The following ORC1 variants were observed in gnomAD, a reference collection of about 807,000 sequenced individuals.
ORC1 encodes origin recognition complex subunit 1.
In ORC1, 61 loss-of-function variants were observed where a neutral mutation model predicts 98.9. The observed-to-expected ratio is 0.62, with a 90% CI of 0.50 to 0.76. The LOEUF is 0.76. Ranked by LOEUF, ORC1 falls within the 30% of genes least tolerant of loss-of-function variation. The pLI is 0.00. For missense variants in ORC1, 979 were observed against 1,072.2 expected (o/e 0.91, Z 1.21); for synonymous variants, 385 against 406.9 (o/e 0.95, Z 0.65).
chr1:52,401,608 C>T lies in ORC1; in HGVS notation c.96-119G>A, dbSNP rs1647711349. The T allele has an allele frequency of 2.5e-6, 3 of 1,214,558 alleles. No individual in the cohort carries two copies. In the East Asian group the frequency reaches 7.0e-5, roughly 29 times the overall value. The allele number at this position is 1,214,558 out of a possible 1,614,324, so 75.2% of individuals were successfully genotyped here. ...TGATTTCTTTCTGCTGACCAACTCT[C>T]CTACTGGGAAACCAATTCGCCCAGT... On this transcript the variant is annotated intron_variant, in intron 2 of 16. Coordinates refer to ENST00000371568, the MANE Select transcript of ORC1 (RefSeq NM_004153.4).
chr1:52,396,361 T>C lies in ORC1; in HGVS notation c.406A>G (p.Ile136Val), dbSNP rs552094777. Reference sequence around the variant, plus strand: ...ACCACATCCTTTGGGGCTAAAGGTATCACCTGAATTTAGGAAGTATAGATA... The same window carrying C: ...ACCACATCCTTTGGGGCTAAAGGTACCACCTGAATTTAGGAAGTATAGATA... ...AETIIGLVRVIPLAPKDVVPT... is the reference protein window; with the variant it reads ...AETIIGLVRVVPLAPKDVVPT... Residue 136 changes from isoleucine to valine, a missense_variant, in exon 5 of 17, where the codon ATA becomes GTA. By Grantham distance (29) the Ile-to-Val change is conservative. Transcript: ENST00000371568. 6.2e-7 allele frequency: 1 copy of C among 1,614,138 alleles called. No homozygotes were observed. The highest frequency in any genetic ancestry group is 1.1e-5 in the South Asian group (1 of 91,080).
At chr1:52,398,951 A>C (rs534076979) in intron 3 of ORC1, among the ~76,000 whole-genome samples, 27 of 152,292 alleles carry the variant, frequency 1.8e-4, no homozygotes, top group African/African-American at 6.0e-4. Context: ...CAGGCAAAGA[A>C]ATCAAGTGAC....
intron 3 of ORC1, among the ~76,000 whole-genome samples, chr1:52,400,155 T>A (rs72899846): frequency 0.026 from 3,937 of 152,296 alleles, 153 homozygotes; most frequent in African/African-American, 0.086. Flanking sequence ...AGAGAAAGTA[T>A]GTCCAAAATC....
chr1:52,389,173 G>C (rs764292481), intron 7 of ORC1, 44 bp downstream of exon 7: 1 of 1,374,974 alleles, frequency 7.3e-7, no homozygotes, highest in Admixed American at 1.7e-5. Context: ...ATAGATATCA[G>C]AGATGGCAGC....
Position 52,402,081 on chromosome 1 carries a change from G to A in ORC1, c.95+48C>T, listed in dbSNP as rs757430033. 5 of 1,344,766 alleles carry A rather than the reference G, an allele frequency of 3.7e-6. No homozygotes were observed. The Admixed American group carries it at 8.4e-5, about 23-fold the overall frequency. The allele number at this position is 1,344,766 out of a possible 1,614,324, so 83.3% of individuals were successfully genotyped here. Reference sequence around the variant, plus strand: ...AGGCTAGATACAAGTTGACTGTTTAGCTTGAGAAGCTGTATTTCCAGGACA... The same window carrying A: ...AGGCTAGATACAAGTTGACTGTTTAACTTGAGAAGCTGTATTTCCAGGACA... On this transcript the variant is annotated intron_variant, in intron 2 of 16. Transcript: ENST00000371568.
At chr1:52,405,699 A>G (rs911357624), upstream of ORC1, 16 of 1,613,362 alleles carry the variant, frequency 9.9e-6, no homozygotes, top group East Asian at 3.1e-4. Context: ...TAGTCGATAA[A>G]GCCATGGAGT....
upstream of ORC1, chr1:52,405,763 T>G: frequency 6.2e-7 from 1 of 1,614,136 alleles, no homozygotes; most frequent in Non-Finnish European, 8.5e-7. Flanking sequence ...ACCCTTTCTG[T>G]GTTTAACCTT....
At chr1:52,399,958 A>G (rs1647624423) in intron 3 of ORC1, among the ~76,000 whole-genome samples, 1 of 152,012 alleles carries the variant, frequency 6.6e-6, no homozygotes, top group South Asian at 2.1e-4. Context: ...CCGAAAGAAC[A>G]CTCATTAGTG....
chr1:52,395,193 A>C (rs1647337738), intron 5 of ORC1, among the ~76,000 whole-genome samples: 1 of 152,186 alleles, frequency 6.6e-6, no homozygotes, highest in Non-Finnish European at 1.5e-5. Context: ...ATACATTGTA[A>C]GGGGAAAAAG....
At chr1:52,398,331 T>A (rs1335441479) in intron 3 of ORC1, among the ~76,000 whole-genome samples, 1 of 151,608 alleles carries the variant, frequency 6.6e-6, no homozygotes, top group Non-Finnish European at 1.5e-5. Flanking sequence ...TGGCGTGATC[T>A]CGGCTCACTG....
In ORC1 at chr1:52,373,027, G is replaced by C. The variant is rs969242962; in HGVS notation, c.*154C>G. 7.5e-6 allele frequency: 6 copies of C among 804,104 alleles called. No homozygotes were observed. The highest frequency in any genetic ancestry group is 1.3e-5 in the Non-Finnish European group (6 of 460,104). 49.8% of individuals were successfully genotyped at this position (804,104 alleles called of 1,614,324 possible). A position where few individuals can be genotyped will look rare whatever the true frequency, so the allele number is the denominator to read the frequency against. ...TGTGCCTGTAGTTTCAGCCACCTGG[G>C]AGGATGAGGTTGGGGGGTCACCTAA... is the stretch of plus-strand genomic sequence containing the variant. On this transcript the variant is annotated 3_prime_UTR_variant, in exon 17 of 17. Transcript: ENST00000371568.
At chr1:52,383,774 A>T in intron 12 of ORC1, 56 bp downstream of exon 12, 1 of 1,468,964 alleles carries the variant, frequency 6.8e-7, no homozygotes, top group South Asian at 1.1e-5. Context: ...CCCATCCAGC[A>T]CTTGCTCCTG....
chr1:52,396,165 G>T lies in ORC1; in HGVS notation c.602C>A (p.Ser201Tyr), dbSNP rs1647385330. The change falls in exon 5 of 17, where the codon TCT (serine) becomes TAT (tyrosine). Residue 201 changes from serine to tyrosine, a missense_variant. By Grantham distance (144) the Ser-to-Tyr change is moderately radical (BLOSUM62 -2). Transcript: ENST00000371568. ...GGCCACATGTTCTGCTGGGGTCCAA[G>T]AAGGGCTCTCTGCACTCTTACTCTT... ...RAKSKSAESP[S>Y]WTPAEHVAKR... 6.2e-7 allele frequency: 1 copy of T among 1,614,042 alleles called. No individual in the cohort carries two copies. The highest frequency in any genetic ancestry group is 1.7e-5 in the Admixed American group (1 of 60,002).
At chr1:52,399,875 C>A (rs1417954382) in intron 3 of ORC1, among the ~76,000 whole-genome samples, 1 of 151,960 alleles carries the variant, frequency 6.6e-6, no homozygotes, top group African/African-American at 2.4e-5. Flanking sequence ...TGACTTCTGG[C>A]AAATGCTTGC....
At chr1:52,381,293 C>T (rs1173719130) in intron 14 of ORC1, among the ~76,000 whole-genome samples, 1 of 152,140 alleles carries the variant, frequency 6.6e-6, no homozygotes, top group Non-Finnish European at 1.5e-5. Flanking sequence ...AACTGAGGCT[C>T]AGGAAATTTT....
In ORC1 at chr1:52,388,376, A is replaced by G; in HGVS notation, c.1383+66T>C. ...CCAGCTGTTACTAATCTGTGACTTC[A>G]GCATTTGTAACTTTTAAACTAAGAG... is the stretch of plus-strand genomic sequence containing the variant. On this transcript the variant is annotated intron_variant, in intron 8 of 16. Transcript: ENST00000371568. The G allele has an allele frequency of 2.3e-6, 3 of 1,283,792 alleles. No individual in the cohort carries two copies. The South Asian group carries it at 3.6e-5, about 15-fold the overall frequency. 79.5% of individuals were successfully genotyped at this position (1,283,792 alleles called of 1,614,324 possible).
chr1:52,388,119 C>T (rs1019261742), intron 8 of ORC1, among the ~76,000 whole-genome samples: 4 of 152,164 alleles, frequency 2.6e-5, no homozygotes, highest in Admixed American at 2.6e-4. Context: ...GCCGTACATG[C>T]GATACCCACT....
intron 5 of ORC1, among the ~76,000 whole-genome samples, chr1:52,395,810 T>G (rs547520672): frequency 9.9e-5 from 15 of 152,104 alleles, no homozygotes; most frequent in Non-Finnish European, 1.9e-4. Context: ...AGCAAGACTC[T>G]GTCTCAAAAA....
Position 52,385,152 on chromosome 1 carries a change from A to T in ORC1, c.1583+9T>A. 6.3e-7 allele frequency: 1 copy of T among 1,584,098 alleles called. No individual in the cohort carries two copies. The highest frequency in any genetic ancestry group is 8.7e-7 in the Non-Finnish European group (1 of 1,152,710). The stretch of plus-strand genomic sequence containing the variant: ...CCCCAAACTACCCTGCCTGCCTCAC[A>T]TGACTCACCCTCCGGTATGGTCAAG... On this transcript the variant is annotated intron_variant, in intron 10 of 16. Coordinates refer to ENST00000371568, the MANE Select transcript of ORC1 (RefSeq NM_004153.4).
Sources: gnomAD v4.1 joint callset for allele counts (sites outside exome capture counted in the v4.1 genomes callset) on GRCh38, gnomAD v4.1.1 for gene constraint, MANE v1.5 for transcripts, NCBI Gene and HGNC (gene_info 2026-07-23, HGNC 2026-07-21) for gene names.